The following PTPRN2 variants were observed in gnomAD, a reference collection of about 807,000 sequenced individuals.
PTPRN2 encodes receptor-type tyrosine-protein phosphatase N2.
PTPRN2 carries 74 observed loss-of-function variants against 118.8 expected under a neutral mutation model. The observed-to-expected ratio is 0.62, with a 90% CI of 0.52 to 0.76. PTPRN2 has a LOEUF of 0.76. PTPRN2 is among the 30% of genes least tolerant of loss of function. The pLI, the probability that PTPRN2 is intolerant of heterozygous loss-of-function variation, is 0.00. For synonymous variants in PTPRN2, 641 were observed against 608.0 expected, an observed-to-expected ratio of 1.05 and a Z score of -0.80; for missense variants, 1,481 against 1,394.4, an observed-to-expected ratio of 1.06 and a Z score of -0.99.
intron 3 of PTPRN2, among the ~76,000 whole-genome samples, chr7:158,258,258 G>A (rs1797158918): frequency 6.6e-6 from 1 of 152,164 alleles, no homozygotes; most frequent in Middle Eastern, 3.2e-3. Context: ...GTGAACACAG[G>A]CCGTCCTGAA....
chr7:157,842,859 A>T (rs1470399813), intron 12 of PTPRN2, among the ~76,000 whole-genome samples: 1 of 152,186 alleles, frequency 6.6e-6, no homozygotes, highest in African/African-American at 2.4e-5. Context: ...GAAAGAGGCA[A>T]GGCACAAGTA....
intron 2 of PTPRN2, among the ~76,000 whole-genome samples, chr7:158,390,213 C>G (rs555303638): frequency 1.7e-3 from 255 of 152,236 alleles, no homozygotes; most frequent in African/African-American, 5.9e-3. Flanking sequence ...GCCGTGTCCT[C>G]CCACGGCTCT....
intron 3 of PTPRN2, among the ~76,000 whole-genome samples, chr7:158,233,144 T>G (rs574754688): frequency 6.6e-6 from 1 of 152,298 alleles, no homozygotes; most frequent in South Asian, 2.1e-4. Context: ...TAGCCTTATT[T>G]GCAGACATCA....
chr7:158,164,966 C>T (rs565841525), intron 6 of PTPRN2, among the ~76,000 whole-genome samples: 2 of 152,248 alleles, frequency 1.3e-5, no homozygotes, highest in South Asian at 2.1e-4. Flanking sequence ...GACCCAAGGT[C>T]GCAAGTGAAG....
chr7:158,123,806 C>G (rs748029539), intron 9 of PTPRN2, among the ~76,000 whole-genome samples: 4 of 152,186 alleles, frequency 2.6e-5, no homozygotes, highest in Non-Finnish European at 4.4e-5. Flanking sequence ...CAAATAGGAT[C>G]GGGAAGTGCC....
intron 2 of PTPRN2, among the ~76,000 whole-genome samples, chr7:158,336,853 C>T (rs1231262055): frequency 9.6e-6 from 1 of 104,056 alleles, no homozygotes; most frequent in African/African-American, 3.3e-5. Flanking sequence ...CCCACACTCT[C>T]ACCATAAGAG....
chr7:158,319,587 TCACACA>T (rs1276650060), intron 2 of PTPRN2, among the ~76,000 whole-genome samples: 1 of 92,830 alleles, frequency 1.1e-5, no homozygotes. Flanking sequence ...ACAGCCTCCC[TCACACA>T]CGCACACAGC....
intron 12 of PTPRN2, among the ~76,000 whole-genome samples, chr7:157,847,303 A>C (rs1452358177): frequency 6.5e-4 from 48 of 74,316 alleles, no homozygotes; most frequent in Middle Eastern, 0.014. Context: ...CTCCCTCACT[A>C]CATCATGTGT....
chr7:157,642,814 C>CAAAAAAAAAAAAAAA lies in PTPRN2; in HGVS notation c.2196+13528_2196+13542dup, dbSNP rs11335302. ...AAGGGTCTACCAAGTCAAGAAACAG[C>CAAAAAAAAAAAAAAA]AAAAAAAAAAAAAAAAAAAAAAAAA... On this transcript the variant is annotated intron_variant, in intron 14 of 22. Transcript: ENST00000389418. Among the ~76,000 whole-genome samples the CAAAAAAAAAAAAAAA allele has an allele frequency of 5.2e-3, 126 of 24,222 alleles. 15 individuals carry two copies. The highest frequency in any genetic ancestry group is 7.7e-3 in the Non-Finnish European group (92 of 11,922). The allele number at this position is 24,222 out of a possible 152,430, so 15.9% of individuals were successfully genotyped here.
intron 10 of PTPRN2, among the ~76,000 whole-genome samples, chr7:158,096,386 T>C (rs1056941931): frequency 6.6e-6 from 1 of 152,210 alleles, no homozygotes; most frequent in Non-Finnish European, 1.5e-5. Context: ...TCCTCCTAAA[T>C]GGTCATATCA....
intron 12 of PTPRN2, among the ~76,000 whole-genome samples, chr7:157,709,291 C>T (rs180954983): frequency 4.0e-4 from 61 of 152,346 alleles, no homozygotes; most frequent in African/African-American, 1.4e-3. Flanking sequence ...AAAGCTCCTC[C>T]TGGGCATAGT....
chr7:158,473,638 A>C (rs141912140), intron 2 of PTPRN2, among the ~76,000 whole-genome samples: 2 of 152,324 alleles, frequency 1.3e-5, no homozygotes, highest in Non-Finnish European at 2.9e-5. Context: ...CATTCCCCAA[A>C]CATGGTGTCC....
chr7:158,217,716 T>A (rs1828050163), intron 3 of PTPRN2, among the ~76,000 whole-genome samples: 2 of 152,182 alleles, frequency 1.3e-5, no homozygotes, highest in Admixed American at 1.3e-4. Context: ...ATTTGAGAGT[T>A]GAAAGACAAC....
chr7:158,569,223 C>T (rs965847927), intron 1 of PTPRN2, among the ~76,000 whole-genome samples: 4 of 152,274 alleles, frequency 2.6e-5, no homozygotes, highest in Non-Finnish European at 4.4e-5. Flanking sequence ...TGCAGCGTTT[C>T]CACGGGTTGA....
intron 11 of PTPRN2, among the ~76,000 whole-genome samples, chr7:157,981,029 C>T (rs773790929): frequency 1.6e-4 from 25 of 152,214 alleles, no homozygotes; most frequent in Admixed American, 7.8e-4. Flanking sequence ...CCCCGCCTCC[C>T]ACACGGGCAC....
chr7:158,569,971 C>T (rs1827909433), intron 1 of PTPRN2, among the ~76,000 whole-genome samples: 1 of 152,134 alleles, frequency 6.6e-6, no homozygotes, highest in African/African-American at 2.4e-5. Flanking sequence ...CCCTGGCCAG[C>T]GGGTGCCGCT....
intron 11 of PTPRN2, among the ~76,000 whole-genome samples, chr7:158,034,195 C>G (rs1052267071): frequency 2.1e-5 from 3 of 145,206 alleles, no homozygotes; most frequent in Admixed American, 1.3e-4. Context: ...CAGCAATGCT[C>G]TGCGTGTGGC....
chr7:157,942,199 G>A (rs1800185845), intron 11 of PTPRN2, among the ~76,000 whole-genome samples: 1 of 41,576 alleles, frequency 2.4e-5, no homozygotes, highest in Non-Finnish European at 4.0e-5. Context: ...CCACACACAG[G>A]GGTCCTCGGC....
At chr7:157,963,223 C>T (rs545146708) in intron 11 of PTPRN2, among the ~76,000 whole-genome samples, 34 of 152,358 alleles carry the variant, frequency 2.2e-4, no homozygotes, top group African/African-American at 6.3e-4. Context: ...CTCCCTTCTG[C>T]GGCATCCTTT....
Sources: gnomAD v4.1 joint callset for allele counts (sites outside exome capture counted in the v4.1 genomes callset) on GRCh38, gnomAD v4.1.1 for gene constraint, MANE v1.5 for transcripts, NCBI Gene and HGNC (gene_info 2026-07-23, HGNC 2026-07-21) for gene names.